FAM193A: variants seen among roughly 807,000 people sequenced by gnomAD.
FAM193A encodes the protein protein FAM193A.
Under a neutral mutation model 126.5 loss-of-function variants are expected in FAM193A, and 22 were observed. That is an observed-to-expected ratio of 0.17 (90% CI 0.12 to 0.25). The LOEUF (loss-of-function observed/expected upper bound fraction) is 0.25. Among genes scored for constraint, FAM193A ranks in the 10% least tolerant of loss-of-function variants. The pLI, the probability that FAM193A is intolerant of heterozygous loss-of-function variation, is 1.00. For synonymous variants in FAM193A, 761 were observed against 646.8 expected (o/e 1.18, Z -2.68); for missense variants, 1,675 against 1,672.8 (o/e 1.00, Z -0.02).
chr4:2,535,665 T>G (rs1308152181), upstream of FAM193A, among the ~76,000 whole-genome samples: 1 of 140,346 alleles, frequency 7.1e-6, no homozygotes, highest in East Asian at 1.9e-4. Context: ...CGCAAGCCCT[T>G]ATTTCTGATC....
Position 2,639,737 on chromosome 4 carries a change from A to G in FAM193A, c.1041A>G (p.Glu347=), listed in dbSNP as rs1744429901. ...RSISTFLGTL[E]NEHLKKFQVT... is the part of the protein sequence containing the mutation. ...ATCTTTTACTTTTTCTTAACCAGGAAAATGAACACTTGAAAAAGTTCCAAG... is the reference window on the plus strand; with the variant it reads ...ATCTTTTACTTTTTCTTAACCAGGAGAATGAACACTTGAAAAAGTTCCAAG... Residue 347 remains glutamate, a splice_region_variant and synonymous_variant, in exon 6 of 21, where the codon GAA becomes GAG. Coordinates refer to ENST00000637812, the MANE Select transcript of FAM193A (RefSeq NM_001366318.2). 1 of 1,608,980 alleles carries G rather than the reference A, an allele frequency of 6.2e-7. No homozygotes were observed. The highest frequency in any genetic ancestry group is 1.3e-5 in the African/African-American group (1 of 74,682).
chr4:2,574,364 A>G (rs951076810), intron 1 of FAM193A, among the ~76,000 whole-genome samples: 1 of 152,180 alleles, frequency 6.6e-6, no homozygotes, highest in Non-Finnish European at 1.5e-5. Context: ...TTTGCAGTAG[A>G]CAGTGCCCAG....
In FAM193A at chr4:2,630,931, G is replaced by T. The variant is rs1170111519; in HGVS notation, c.804-4G>T. On this transcript the variant is annotated splice_polypyrimidine_tract_variant and splice_region_variant and intron_variant, in intron 4 of 20. Transcript: ENST00000637812. Reference sequence around the variant, plus strand: ...AGGCCCTGGTGACCCTCTTCTCTGTGCAGGCTCTGCGAGAGGGACCCCTAC... The same window carrying T: ...AGGCCCTGGTGACCCTCTTCTCTGTTCAGGCTCTGCGAGAGGGACCCCTAC... 7 of 1,542,262 alleles carry T rather than the reference G, an allele frequency of 4.5e-6. No individual in the cohort carries two copies. The African/African-American group carries it at 6.8e-5, about 15-fold the overall frequency.
In FAM193A at chr4:2,630,101, C is replaced by T. The variant is rs560162818; in HGVS notation, c.804-834C>T. On this transcript the variant is annotated intron_variant, in intron 4 of 20. Coordinates refer to ENST00000637812, the MANE Select transcript of FAM193A (RefSeq NM_001366318.2). ...GAGCCGAGATCACACCATTGCACTC[C>T]AGCCTGGGCGACAGAGTGAGACTCC... Among the ~76,000 whole-genome samples the T allele has an allele frequency of 2.0e-3, 295 of 150,088 alleles. 1 individual carries two copies. The highest frequency in any genetic ancestry group is 6.9e-3 in the African/African-American group (280 of 40,788).
At chr4:2,689,880 G>A (rs1716163688) in intron 14 of FAM193A, among the ~76,000 whole-genome samples, 176 bp downstream of exon 14, 1 of 152,162 alleles carries the variant, frequency 6.6e-6, no homozygotes. Flanking sequence ...TCTCGCATCT[G>A]CCACCAGTCG....
chr4:2,594,748 T>C (rs1157109033), intron 1 of FAM193A, among the ~76,000 whole-genome samples: 1 of 151,932 alleles, frequency 6.6e-6, no homozygotes, highest in Non-Finnish European at 1.5e-5. Context: ...ACACACACAC[T>C]TGCTGGTCTT....
At chr4:2,612,259 T>C (rs937223890) in intron 2 of FAM193A, among the ~76,000 whole-genome samples, 1 of 151,770 alleles carries the variant, frequency 6.6e-6, no homozygotes, top group African/African-American at 2.4e-5. Flanking sequence ...CCTAGCACTT[T>C]GGGAGGCTGA....
At chr4:2,608,488 C>T (rs1008373157) in intron 2 of FAM193A, among the ~76,000 whole-genome samples, 1 of 152,142 alleles carries the variant, frequency 6.6e-6, no homozygotes, top group African/African-American at 2.4e-5. Context: ...GCTGGGATTA[C>T]AGGAGTGAGC....
At chr4:2,612,143 G>A (rs1261983585) in intron 2 of FAM193A, among the ~76,000 whole-genome samples, 5 of 151,548 alleles carry the variant, frequency 3.3e-5, no homozygotes, top group Non-Finnish European at 7.4e-5. Flanking sequence ...GCTCCAATTT[G>A]TGTTTCTAAA....
chr4:2,715,319 C>G (rs897287149), intron 19 of FAM193A: 1 of 158,408 alleles, frequency 6.3e-6, no homozygotes, highest in African/African-American at 2.4e-5. Flanking sequence ...AAAAATTACA[C>G]AGGCATGGTG....
intron 13 of FAM193A, among the ~76,000 whole-genome samples, chr4:2,686,608 T>C (rs1463926785): frequency 6.6e-6 from 1 of 152,230 alleles, no homozygotes; most frequent in East Asian, 1.9e-4. Flanking sequence ...GCAAGAGCTC[T>C]CTGAACACAC....
At chr4:2,550,041 T>A (rs537963231) in intron 1 of FAM193A, among the ~76,000 whole-genome samples, 44 of 148,350 alleles carry the variant, frequency 3.0e-4, no homozygotes, top group African/African-American at 1.0e-3. Context: ...TTTTTTTTTT[T>A]AATTTTAATT....
intron 20 of FAM193A, among the ~76,000 whole-genome samples, chr4:2,725,791 A>G (rs948985434): frequency 6.6e-6 from 1 of 151,338 alleles, no homozygotes; most frequent in Non-Finnish European, 1.5e-5. Context: ...GGCTCACTGG[A>G]CCCTTGACCT....
At chr4:2,723,960 G>A (rs542175702) in intron 20 of FAM193A, among the ~76,000 whole-genome samples, 34 of 151,892 alleles carry the variant, frequency 2.2e-4, no homozygotes, top group Non-Finnish European at 3.8e-4. Context: ...TCCACCACCC[G>A]CTGCCTGAGA....
intron 18 of FAM193A, among the ~76,000 whole-genome samples, chr4:2,699,310 A>G (rs1008344049): frequency 6.6e-6 from 1 of 152,084 alleles, no homozygotes; most frequent in Non-Finnish European, 1.5e-5. Flanking sequence ...GCCAGGCGGC[A>G]TGATGCCCTG....
intron 5 of FAM193A, among the ~76,000 whole-genome samples, chr4:2,637,778 C>T (rs545704105): frequency 3.3e-4 from 50 of 152,330 alleles, no homozygotes; most frequent in African/African-American, 1.1e-3. Context: ...GGGCAGGGCA[C>T]TACCAGGTTC....
chr4:2,569,097 G>A (rs1022248639), intron 1 of FAM193A, among the ~76,000 whole-genome samples: 1 of 150,048 alleles, frequency 6.7e-6, no homozygotes, highest in South Asian at 2.1e-4. Context: ...AGCCTCCTGA[G>A]TAACTGGGAC....
At chr4:2,623,140 C>T (rs1232739387) in intron 2 of FAM193A, among the ~76,000 whole-genome samples, 2 of 152,038 alleles carry the variant, frequency 1.3e-5, no homozygotes, top group Non-Finnish European at 2.9e-5. Flanking sequence ...CTCTTACCCT[C>T]CTGTGTGCTG....
chr4:2,675,278 A>C (rs1196101379), intron 13 of FAM193A, among the ~76,000 whole-genome samples: 1 of 152,106 alleles, frequency 6.6e-6, no homozygotes, highest in Non-Finnish European at 1.5e-5. Context: ...GGTGCTCTTG[A>C]GTTCTGTCAG....
Sources: gnomAD v4.1 joint callset for allele counts (sites outside exome capture counted in the v4.1 genomes callset) on GRCh38, gnomAD v4.1.1 for gene constraint, MANE v1.5 for transcripts, NCBI Gene and HGNC (gene_info 2026-07-23, HGNC 2026-07-21) for gene names.